FBXL13: variants seen among roughly 807,000 people sequenced by gnomAD.
The protein encoded by FBXL13 is F-box and leucine rich repeat protein 13.
FBXL13 carries 67 observed loss-of-function variants against 83.6 expected under a neutral mutation model. The ratio of observed to expected loss-of-function variants is 0.80; its 90% CI spans 0.66 to 0.98. FBXL13 has a LOEUF of 0.98. Ranked by LOEUF, FBXL13 falls within the 50% of genes least tolerant of loss-of-function variation. FBXL13 has a pLI of 0.00. For synonymous variants in FBXL13, 272 were observed against 299.5 expected (o/e 0.91, Z 0.95); for missense variants, 822 against 866.5 (o/e 0.95, Z 0.64).
chr7:102,834,416 TTA>T (rs952747140), intron 17 of FBXL13, among the ~76,000 whole-genome samples: 8 of 145,508 alleles, frequency 5.5e-5, no homozygotes, highest in South Asian at 2.1e-4. Flanking sequence ...TATATATATA[TTA>T]TATATATGTG....
At chr7:102,978,912 C>G (rs1222433024) in intron 6 of FBXL13, among the ~76,000 whole-genome samples, 1 of 152,118 alleles carries the variant, frequency 6.6e-6, no homozygotes, top group Non-Finnish European at 1.5e-5. Context: ...AAGATAATAT[C>G]AAAACGATCT....
At chr7:102,893,966 G>GAAAC (rs142657485) in intron 11 of FBXL13, among the ~76,000 whole-genome samples, 6 of 144,654 alleles carry the variant, frequency 4.1e-5, no homozygotes, top group South Asian at 2.2e-4. Flanking sequence ...AAGAAAGAGA[G>GAAAC]AAAGAAAGAA....
chr7:102,855,041 C>T (rs576140645), intron 16 of FBXL13, among the ~76,000 whole-genome samples, 181 bp from the exon 18 acceptor site: 1 of 152,194 alleles, frequency 6.6e-6, no homozygotes, highest in African/African-American at 2.4e-5. Flanking sequence ...TTAGGCAATG[C>T]CATTAAGTAA....
At chr7:103,031,195 A>G (rs1428111097) in intron 2 of FBXL13, 4 of 152,238 alleles carry the variant, frequency 2.6e-5, no homozygotes, top group African/African-American at 9.7e-5. Flanking sequence ...GGCCAATCCA[A>G]TCACTGGGCA....
chr7:102,863,846 C>G (rs935620863), intron 16 of FBXL13, among the ~76,000 whole-genome samples: 16 of 152,076 alleles, frequency 1.1e-4, no homozygotes, highest in African/African-American at 3.4e-4. Context: ...AATAAAAAAC[C>G]TGAGCATCGT....
chr7:102,863,190 G>A (rs1430565598), intron 16 of FBXL13, among the ~76,000 whole-genome samples: 1 of 152,172 alleles, frequency 6.6e-6, no homozygotes. Context: ...ACTTTCCTTT[G>A]ATTTAAATAC....
intron 10 of FBXL13, among the ~76,000 whole-genome samples, chr7:102,921,361 A>T (rs1816981418): frequency 6.6e-6 from 1 of 152,174 alleles, no homozygotes; most frequent in Non-Finnish European, 1.5e-5. Flanking sequence ...TTATATGTAT[A>T]TACACACAGA....
intron 1 of FBXL13, among the ~76,000 whole-genome samples, chr7:103,073,497 GATAATA>G (rs10534393): frequency 6.6e-6 from 1 of 151,314 alleles, no homozygotes; most frequent in Non-Finnish European, 1.5e-5. Flanking sequence ...TAATAATGAT[GATAATA>G]ATAATATGTC....
intron 16 of FBXL13, among the ~76,000 whole-genome samples, chr7:102,869,481 A>C (rs1373516092): frequency 6.7e-6 from 1 of 149,934 alleles, no homozygotes; most frequent in Non-Finnish European, 1.5e-5. Context: ...AGGTTGATGT[A>C]ATACCATTCG....
chr7:103,005,509 G>A (rs1396105554), intron 6 of FBXL13, among the ~76,000 whole-genome samples: 1 of 152,156 alleles, frequency 6.6e-6, no homozygotes, highest in African/African-American at 2.4e-5. Flanking sequence ...GATTGCTTAA[G>A]CAACAGAAAC....
intron 2 of FBXL13, among the ~76,000 whole-genome samples, chr7:103,031,599 C>G (rs1227667180): frequency 6.6e-6 from 1 of 152,106 alleles, no homozygotes; most frequent in African/African-American, 2.4e-5. Context: ...GTGCTGCTAT[C>G]CCCAGACACC....
At chr7:102,867,466 A>T (rs2129455456) in intron 16 of FBXL13, among the ~76,000 whole-genome samples, 1 of 151,924 alleles carries the variant, frequency 6.6e-6, no homozygotes, top group East Asian at 1.9e-4. Flanking sequence ...TGGGGAAACA[A>T]GAACACAGCA....
At chr7:102,865,714 GT>G (rs1004085694) in intron 16 of FBXL13, among the ~76,000 whole-genome samples, 17 of 142,972 alleles carry the variant, frequency 1.2e-4, no homozygotes, top group African/African-American at 1.0e-4. Context: ...GCTAATTTTT[GT>G]TTTTTTTTTT....
At chr7:102,870,325 A>G (rs73408207) in intron 16 of FBXL13, among the ~76,000 whole-genome samples, 2,332 of 152,296 alleles carry the variant, frequency 0.015, 52 homozygotes, top group African/African-American at 0.053. Context: ...CATATGATTT[A>G]TGTTTTCTTA....
chr7:103,027,687 T>C (rs7789407), intron 4 of FBXL13, 129 bp from the exon 6 acceptor site: 66 of 531,676 alleles, frequency 1.2e-4, no homozygotes, highest in Admixed American at 3.5e-4. Flanking sequence ...TTTGGTCTTA[T>C]TTACACTTGA....
intron 10 of FBXL13, 30 bp from the exon 12 acceptor site, chr7:102,913,245 ATTATAC>A: frequency 1.2e-6 from 2 of 1,613,382 alleles, no homozygotes; most frequent in Non-Finnish European, 1.7e-6. Flanking sequence ...GAAGGAAAGT[ATTATAC>A]TTCCGTTGTT....
chr7:103,067,324 C>T (rs1489734069), intron 1 of FBXL13, among the ~76,000 whole-genome samples: 3 of 152,032 alleles, frequency 2.0e-5, no homozygotes, highest in Non-Finnish European at 2.9e-5. Context: ...AGGAGATAAT[C>T]GTATTTGAAA....
chr7:103,004,716 T>C (rs376861697), intron 6 of FBXL13, among the ~76,000 whole-genome samples: 5 of 151,980 alleles, frequency 3.3e-5, no homozygotes, highest in African/African-American at 7.2e-5. Context: ...ATGAGAGGAG[T>C]GCATCACAGA....
chr7:102,975,637 T>G (rs1340177317), intron 6 of FBXL13, among the ~76,000 whole-genome samples: 1 of 152,176 alleles, frequency 6.6e-6, no homozygotes, highest in Non-Finnish European at 1.5e-5. Flanking sequence ...CCTTTTTATC[T>G]CTCGTTTAAC....
Sources: gnomAD v4.1 joint callset for allele counts (sites outside exome capture counted in the v4.1 genomes callset) on GRCh38, gnomAD v4.1.1 for gene constraint, MANE v1.5 for transcripts, NCBI Gene and HGNC (gene_info 2026-07-23, HGNC 2026-07-21) for gene names.